The following CHPF2 variants were observed in gnomAD, a reference collection of about 807,000 sequenced individuals.
CHPF2 encodes chondroitin polymerizing factor 2.
Under a neutral mutation model 63.0 loss-of-function variants are expected in CHPF2, and 58 were observed. The ratio of observed to expected loss-of-function variants is 0.92; its 90% CI spans 0.75 to 1.15. The LOEUF (loss-of-function observed/expected upper bound fraction) is 1.15, where lower values mean the gene tolerates loss of function less well. Among genes scored for constraint, CHPF2 ranks in the 50% most tolerant of loss-of-function variants. CHPF2 has a pLI of 0.00. For missense variants in CHPF2, 1,045 were observed against 1,035.4 expected (o/e 1.01, Z -0.13); for synonymous variants, 442 against 438.0 (o/e 1.01, Z -0.11).
At position 151,235,510 on chromosome 7, in the gene CHPF2, T is replaced by A; in HGVS notation, c.726T>A (p.His242Gln). 1.9e-6 allele frequency: 3 copies of A among 1,611,468 alleles called. No individual in the cohort carries two copies. Among genetic ancestry groups the A allele is most frequent in the Non-Finnish European group, 2.5e-6 (3 of 1,180,006 alleles). ...SRSLLLRLRP[H>Q]LDGCRGDILS... ...GTCTCCTGCTTCGTCTGCGGCCACA[T>A]CTGGATGGCTGCCGAGGAGACATTC... Residue 242 changes from histidine (H) to glutamine (Q), a missense_variant, in exon 2 of 4, where the codon CAT becomes CAA. Transcript: ENST00000035307.
chr7:151,236,832 G>A, intron 3 of CHPF2: 2 of 602,956 alleles, frequency 3.3e-6, no homozygotes, highest in South Asian at 1.6e-5. Context: ...AGCTAAAGGG[G>A]TTTGCAAGTA....
Position 151,232,587 on chromosome 7 carries a change from C to T in CHPF2, c.-1425C>T, listed in dbSNP as rs1287980002. ...GTTCCCCCTTCCCCGTCCCTGCTCC[C>T]TGCCAGGCGCGTGCGGGACGCCGCT... On this transcript the variant is annotated 5_prime_UTR_variant, in exon 1 of 4. Transcript: ENST00000035307. 5.0e-6 allele frequency: 3 copies of T among 600,314 alleles called. No individual in the cohort carries two copies. Among genetic ancestry groups the T allele is most frequent in the Non-Finnish European group, 8.3e-6 (3 of 363,492 alleles). The allele number at this position is 600,314 out of a possible 1,614,324, so 37.2% of individuals were successfully genotyped here. A position where few individuals can be genotyped will look rare whatever the true frequency, so the allele number is the denominator to read the frequency against.
At position 151,236,514 on chromosome 7, in the gene CHPF2, C is replaced by A. The variant is rs779633828; in HGVS notation, c.935C>A (p.Thr312Asn). 1.9e-6 allele frequency: 3 copies of A among 1,610,390 alleles called. No individual in the cohort carries two copies. The Admixed American group carries it at 5.0e-5, about 27-fold the overall frequency. Residue 312 changes from threonine (T) to asparagine (N), a missense_variant, in exon 3 of 4, where the codon ACC becomes AAC. Thr to Asn is a moderately conservative substitution (Grantham distance 65, BLOSUM62 0). Transcript: ENST00000035307. ...AFAVHPVSEG[T>N]LMYRLHKRFS... ...GCCGTGCACCCTGTCTCCGAAGGTA[C>A]CCTCATGTACCGGCTCCACAAACGC...
At position 151,233,965 on chromosome 7, in the gene CHPF2, C is replaced by A; in HGVS notation, c.-47C>A. ...GCCTGGTGCCCATCAATCCATTGAT[C>A]CTTGAGGCTGTGCCCCTGGGGCACC... On this transcript the variant is annotated 5_prime_UTR_variant, in exon 1 of 4. Transcript: ENST00000035307. 6.8e-7 allele frequency: 1 copy of A among 1,473,450 alleles called. No homozygotes were observed. Among genetic ancestry groups the A allele is most frequent in the South Asian group, 1.4e-5 (1 of 69,386 alleles). The allele number at this position is 1,473,450 out of a possible 1,614,324, so 91.3% of individuals were successfully genotyped here.
At position 151,232,889 on chromosome 7, in the gene CHPF2, C is replaced by A; in HGVS notation, c.-1123C>A. On this transcript the variant is annotated 5_prime_UTR_variant, in exon 1 of 4. Transcript: ENST00000035307. ...CGACCCGAGCTGGTCTCCCGAGCCC[C>A]CTTCTCAGCAGCCCGGTGACGTGGC... 7.2e-7 allele frequency: 1 copy of A among 1,383,470 alleles called. No individual in the cohort carries two copies. Among genetic ancestry groups the A allele is most frequent in the South Asian group, 1.6e-5 (1 of 63,026 alleles). The allele number at this position is 1,383,470 out of a possible 1,614,324, so 85.7% of individuals were successfully genotyped here. A position where few individuals can be genotyped will look rare whatever the true frequency, so the allele number is the denominator to read the frequency against.
In CHPF2 at chr7:151,237,421, G is replaced by A. The variant is rs745715806; in HGVS notation, c.1059G>A (p.Gly353=). Residue 353 remains glycine, a synonymous_variant, in exon 4 of 4, where the codon GGG becomes GGA. Transcript: ENST00000035307. ...TGCTGACCCCCGAAGGGGAGGCAGGGCTGAGCTGGCCCGTTGGGCTCCCTG... is the reference window on the plus strand; with the variant it reads ...TGCTGACCCCCGAAGGGGAGGCAGGACTGAGCTGGCCCGTTGGGCTCCCTG... ...LTVLTPEGEA[G]LSWPVGLPAP... is the part of the protein sequence containing the mutation. The A allele has an allele frequency of 2.5e-6, 4 of 1,611,138 alleles. No individual in the cohort carries two copies. Among genetic ancestry groups the A allele is most frequent in the Middle Eastern group, 3.3e-4 (2 of 6,052 alleles).
rs368316520 is a variant in CHPF2, at chr7:151,235,429, C to T, written c.645C>T (p.Gly215=). Residue 215 remains glycine (G), a synonymous_variant, in exon 2 of 4, where the codon GGC becomes GGT. Coordinates refer to ENST00000035307, the MANE Select transcript of CHPF2 (RefSeq NM_019015.3). The part of the protein sequence containing the change: ...LYLGRAEEFI[G]AGEQARYCHG... The stretch of plus-strand genomic sequence containing the variant: ...TAGGCCGGGCAGAGGAGTTCATTGG[C>T]GCAGGCGAGCAGGCCCGGTACTGTC... 6.6e-5 allele frequency: 106 copies of T among 1,612,358 alleles called. 1 individual carries two copies. Among genetic ancestry groups the T allele is most frequent in the Admixed American group, 3.2e-4 (19 of 60,002 alleles).
chr7:151,236,600 A>G lies in CHPF2; in HGVS notation c.1011+10A>G, dbSNP rs989441430. 3 of 1,559,416 alleles carry G rather than the reference A, an allele frequency of 1.9e-6. No homozygotes were observed. Among genetic ancestry groups the G allele is most frequent in the Admixed American group, 1.8e-5 (1 of 54,342 alleles). ...AATAGAACAACTGCAGGTGAGCTGA[A>G]GAGGAGCAGGTGGGCAGAGGACCGC... is the stretch of plus-strand genomic sequence containing the variant. On this transcript the variant is annotated intron_variant, in intron 3 of 3. Transcript: ENST00000035307.
At position 151,233,146 on chromosome 7, in the gene CHPF2, C is replaced by T; in HGVS notation, c.-866C>T. ...GGTTTGCTTCATTTGGCCCCTGGGG[C>T]CCTGGTAAAACCAGGCACCGAATCG... On this transcript the variant is annotated 5_prime_UTR_variant, in exon 1 of 4. Transcript: ENST00000035307. 9.1e-7 allele frequency: 1 copy of T among 1,093,312 alleles called. No homozygotes were observed. Among genetic ancestry groups the T allele is most frequent in the Non-Finnish European group, 1.1e-6 (1 of 899,444 alleles). The allele number at this position is 1,093,312 out of a possible 1,614,324, so 67.7% of individuals were successfully genotyped here.
At position 151,238,676 on chromosome 7, in the gene CHPF2, A is replaced by G. The variant is rs1563638523; in HGVS notation, c.2314A>G (p.Thr772Ala). 1 of 1,608,590 alleles carries G rather than the reference A, an allele frequency of 6.2e-7. No homozygotes were observed. Among genetic ancestry groups the G allele is most frequent in the Non-Finnish European group, 8.5e-7 (1 of 1,177,870 alleles). The change falls in exon 4 of 4, where the codon ACT (threonine) becomes GCT (alanine). Residue 772 changes from threonine (T) to alanine (A), a missense_variant. Physicochemically the swap from Thr to Ala is moderately conservative, Grantham distance 58. Transcript: ENST00000035307. ...ALFEQEQANS[T>A] ...CTTTGAGCAGGAGCAGGCCAATAGC[A>G]CTTAGCCCGCCTGGGGGCCCTAACC...
chr7:151,236,119 ATTATTT>A (rs1802638799), intron 2 of CHPF2, among the ~76,000 whole-genome samples: 1 of 152,222 alleles, frequency 6.6e-6, no homozygotes, highest in Non-Finnish European at 1.5e-5. Context: ...TATCATTATT[ATTATTT>A]TTAATATGTT....
intron 3 of CHPF2, chr7:151,237,120 T>C: frequency 1.6e-6 from 1 of 635,220 alleles, no homozygotes. Context: ...CAAGATACTT[T>C]TACCTGTGCA....
At position 151,233,195 on chromosome 7, in the gene CHPF2, C is replaced by T. The variant is rs559710589; in HGVS notation, c.-817C>T. ...CGCTCGCACACAGAGTTCCAGTCCC[C>T]GCCTGCTGTCTCCTCAGCAGCTGGG... On this transcript the variant is annotated 5_prime_UTR_variant, in exon 1 of 4. Transcript: ENST00000035307. The T allele has an allele frequency of 2.0e-5, 21 of 1,027,530 alleles. No homozygotes were observed. The South Asian group carries it at 7.1e-4, about 35-fold the overall frequency. 63.7% of individuals were successfully genotyped at this position (1,027,530 alleles called of 1,614,324 possible). A position where few individuals can be genotyped will look rare whatever the true frequency, so the allele number is the denominator to read the frequency against.
Position 151,237,936 on chromosome 7 carries a change from T to C in CHPF2, c.1574T>C (p.Leu525Pro). The C allele has an allele frequency of 1.2e-6, 2 of 1,613,108 alleles. No homozygotes were observed. The highest frequency in any genetic ancestry group is 1.7e-6 in the Non-Finnish European group (2 of 1,180,042). Residue 525 changes from leucine to proline, a missense_variant, in exon 4 of 4, where the codon CTG (leucine) becomes CCG (proline). Coordinates refer to ENST00000035307, the MANE Select transcript of CHPF2 (RefSeq NM_019015.3). ...LEPREHALLTLLLVYGPREGG... is the reference protein window; with the variant it reads ...LEPREHALLTPLLVYGPREGG... ...CCACGAGAACATGCATTGCTCACCCTGTTGCTGGTCTACGGGCCACGAGAA... is the reference window on the plus strand; with the variant it reads ...CCACGAGAACATGCATTGCTCACCCCGTTGCTGGTCTACGGGCCACGAGAA...
Position 151,237,376 on chromosome 7 carries a change from T to C in CHPF2, c.1014T>C (p.Ala338=). The C allele has an allele frequency of 6.3e-7, 1 of 1,587,134 alleles. No individual in the cohort carries two copies. Among genetic ancestry groups the C allele is most frequent in the Non-Finnish European group, 8.6e-7 (1 of 1,161,882 alleles). Residue 338 remains alanine (A), a splice_region_variant and synonymous_variant, in exon 4 of 4, where the codon GCT becomes GCC. Coordinates refer to ENST00000035307, the MANE Select transcript of CHPF2 (RefSeq NM_019015.3). The part of the protein sequence containing the change: ...RAYSEIEQLQ[A]QIRNLTVLTP... ...GAGGTGCATTCCCTCCAACCCAGGCTCAGATCCGGAACCTGACCGTGCTGA... is the reference window on the plus strand; with the variant it reads ...GAGGTGCATTCCCTCCAACCCAGGCCCAGATCCGGAACCTGACCGTGCTGA...
At chr7:151,236,318 C>T (rs1802646442) in intron 2 of CHPF2, 90 bp from the exon 3 acceptor site, 1 of 1,161,688 alleles carries the variant, frequency 8.6e-7, no homozygotes, top group African/African-American at 1.5e-5. Flanking sequence ...CGCAGCAGTG[C>T]TAACAGATGT....
chr7:151,236,960 G>A lies in CHPF2; in HGVS notation c.1011+370G>A, dbSNP rs981032502. 16 of 524,464 alleles carry A rather than the reference G, an allele frequency of 3.1e-5. No homozygotes were observed. The Admixed American group carries it at 3.4e-4, about 11-fold the overall frequency. 32.5% of individuals were successfully genotyped at this position (524,464 alleles called of 1,614,324 possible). On this transcript the variant is annotated intron_variant, in intron 3 of 3. Transcript: ENST00000035307. ...CTGAAGTTTCTTTACTTCTAGAACT[G>A]TCCCAAGAAAGCCCAAGGGTAGAAG...
intron 2 of CHPF2, 93 bp from the exon 3 acceptor site, chr7:151,236,315 G>C: frequency 8.7e-7 from 1 of 1,147,818 alleles, no homozygotes; most frequent in Non-Finnish European, 1.2e-6. Flanking sequence ...TAACGCAGCA[G>C]TGCTAACAGA....
rs374488900 is a variant in CHPF2 at position 151,238,055 on chromosome 7, G to A, written c.1693G>A (p.Ala565Thr). Reference sequence around the variant, plus strand: ...CCCTGGGACGAGGCTGGCCTGGCTCGCTGTGCGAGCAGAGGCCCCTTCCCA... The same window carrying A: ...CCCTGGGACGAGGCTGGCCTGGCTCACTGTGCGAGCAGAGGCCCCTTCCCA... ...RYPGTRLAWL[A>T]VRAEAPSQVR... The change falls in exon 4 of 4, where the codon GCT becomes ACT. Residue 565 changes from alanine to threonine, a missense_variant. Ala to Thr is a moderately conservative substitution (Grantham distance 58). Coordinates refer to ENST00000035307, the MANE Select transcript of CHPF2 (RefSeq NM_019015.3). 32 of 1,612,260 alleles carry A rather than the reference G, an allele frequency of 2.0e-5. No individual in the cohort carries two copies. Among genetic ancestry groups the A allele is most frequent in the East Asian group, 1.1e-4 (5 of 44,892 alleles).
Sources: allele counts gnomAD v4.1 joint callset (sites outside exome capture counted in the v4.1 genomes callset), GRCh38; gene constraint gnomAD v4.1.1; transcripts MANE v1.5; gene names NCBI Gene and HGNC (gene_info 2026-07-23, HGNC 2026-07-21).